The following ZBTB7C variants were observed in gnomAD, a reference collection of about 807,000 sequenced individuals.
The protein encoded by ZBTB7C is zinc finger and BTB domain containing 7C.
ZBTB7C carries 8 observed loss-of-function variants against 25.7 expected under a neutral mutation model. The ratio of observed to expected loss-of-function variants is 0.31; its 90% CI spans 0.18 to 0.56. The LOEUF (loss-of-function observed/expected upper bound fraction) is 0.56, where lower values mean the gene tolerates loss of function less well. ZBTB7C is among the 20% of genes least tolerant of loss of function. ZBTB7C has a pLI of 0.91. For missense variants in ZBTB7C, 824 were observed against 855.2 expected (o/e 0.96, Z 0.46); for synonymous variants, 394 against 369.0 (o/e 1.07, Z -0.78).
chr18:48,373,108 G>A (rs1283533319), intron 1 of ZBTB7C, among the ~76,000 whole-genome samples: 1 of 152,184 alleles, frequency 6.6e-6, no homozygotes, highest in Non-Finnish European at 1.5e-5. Context: ...CAGATCCCAT[G>A]ATATAGTTTG....
chr18:48,300,001 C>G (rs9946507), intron 2 of ZBTB7C, among the ~76,000 whole-genome samples: 3,005 of 152,286 alleles, frequency 0.02, 98 homozygotes, highest in African/African-American at 0.067. Context: ...CCCCTGGGGC[C>G]TTGTTAGTAT....
At chr18:48,189,034 A>AGGGGGG in intron 2 of ZBTB7C, among the ~76,000 whole-genome samples, 1 of 152,302 alleles carries the variant, frequency 6.6e-6, no homozygotes, top group Non-Finnish European at 1.5e-5. Flanking sequence ...CTGAGCAATG[A>AGGGGGG]TTATTGCTAA....
rs759606431 is a variant in ZBTB7C, at chr18:48,040,808, G to A, written c.300C>T (p.Thr100=). The part of the protein sequence containing the change: ...EFAYTSTLTI[T]AGNVKHILNA... Reference sequence around the variant, plus strand: ...TGAGGATGTGCTTGACATTGCCAGCGGTGATGGTGAGCGTGGAGGTGTAGG... The same window carrying A: ...TGAGGATGTGCTTGACATTGCCAGCAGTGATGGTGAGCGTGGAGGTGTAGG... Residue 100 remains threonine (T), a synonymous_variant, in exon 4 of 5, where the codon ACC becomes ACT. Transcript: ENST00000590800. 39 of 1,614,014 alleles carry A rather than the reference G, an allele frequency of 2.4e-5. No individual in the cohort carries two copies. The highest frequency in any genetic ancestry group is 1.8e-4 in the Admixed American group (11 of 60,010).
rs191176986 is a variant in ZBTB7C, at chr18:48,386,213, C to G, written c.-304+23013G>C. Among the ~76,000 whole-genome samples, 478 of 152,328 alleles carry G rather than the reference C, an allele frequency of 3.1e-3. 2 individuals carry two copies. Among genetic ancestry groups the G allele is most frequent in the African/African-American group, 0.011 (457 of 41,578 alleles). On this transcript the variant is annotated intron_variant, in intron 1 of 4. Coordinates refer to ENST00000590800, the MANE Select transcript of ZBTB7C (RefSeq NM_001318841.2). The stretch of plus-strand genomic sequence containing the variant: ...ACAGTTGTGCTTGACTCAGGACAAT[C>G]TGCCCTCTTCCCTGGCCCCCACAGC...
chr18:48,355,116 C>T (rs9953229), intron 1 of ZBTB7C, among the ~76,000 whole-genome samples: 81,501 of 152,038 alleles, frequency 0.54, 22,255 homozygotes, highest in East Asian at 0.77. Flanking sequence ...TGAGCTAGCA[C>T]AGTGCATTCA....
At chr18:48,393,185 G>A (rs758411892) in intron 1 of ZBTB7C, among the ~76,000 whole-genome samples, 7 of 151,964 alleles carry the variant, frequency 4.6e-5, no homozygotes, top group African/African-American at 4.8e-5. Flanking sequence ...GGTGGGACTC[G>A]AGTGGAATCA....
intron 3 of ZBTB7C, chr18:48,137,058 G>T: frequency 1.0e-6 from 1 of 985,362 alleles, no homozygotes; most frequent in Non-Finnish European, 1.2e-6. Flanking sequence ...CCTGAGCGCC[G>T]CCAGGGTCCC....
intron 4 of ZBTB7C, among the ~76,000 whole-genome samples, chr18:48,031,817 A>T (rs562050369): frequency 2.6e-4 from 40 of 152,370 alleles, no homozygotes; most frequent in Admixed American, 7.2e-4. Context: ...AAACTCACCC[A>T]GAGGGTCATG....
Position 48,237,250 on chromosome 18 carries a change from G to A in ZBTB7C, c.-78-51255C>T, listed in dbSNP as rs1445132334. 3.1e-4 allele frequency among the ~76,000 whole-genome samples: 47 copies of A among 152,146 alleles called. 2 individuals are homozygous for A. Among genetic ancestry groups the A allele is most frequent in the Admixed American group, 3.1e-3 (47 of 15,278 alleles). On this transcript the variant is annotated intron_variant, in intron 2 of 4. Transcript: ENST00000590800. ...TTCCTCTACAATACAGCACAGAGCA[G>A]AGATCACAGGAAATGATGCAAAGAG...
chr18:48,227,294 G>T (rs1113628), intron 2 of ZBTB7C, among the ~76,000 whole-genome samples: 97,098 of 152,128 alleles, frequency 0.64, 31,159 homozygotes, highest in East Asian at 0.79. Flanking sequence ...TGATTCACAT[G>T]TGTACGGCCT....
At chr18:48,237,787 G>A (rs954071195) in intron 2 of ZBTB7C, among the ~76,000 whole-genome samples, 2 of 151,994 alleles carry the variant, frequency 1.3e-5, no homozygotes, top group African/African-American at 4.8e-5. Context: ...TATACCAAGA[G>A]GATTTACAGC....
chr18:48,081,543 C>T (rs899639670), intron 3 of ZBTB7C, among the ~76,000 whole-genome samples: 1 of 151,734 alleles, frequency 6.6e-6, no homozygotes, highest in African/African-American at 2.4e-5. Flanking sequence ...ACTGCAAGCT[C>T]CGCCTCCCAG....
At chr18:48,410,187 G>A (rs927293072), upstream of ZBTB7C, among the ~76,000 whole-genome samples, 11 of 152,188 alleles carry the variant, frequency 7.2e-5, no homozygotes, top group Non-Finnish European at 2.9e-5. Flanking sequence ...TCCAGCGAGC[G>A]CACCAAGACG....
intron 3 of ZBTB7C, among the ~76,000 whole-genome samples, chr18:48,101,013 C>T (rs992212292): frequency 2.0e-5 from 3 of 152,218 alleles, no homozygotes; most frequent in South Asian, 2.1e-4. Flanking sequence ...TCTGATCTGT[C>T]GCCACACTAC....
At chr18:48,089,878 A>G (rs1322943756) in intron 3 of ZBTB7C, among the ~76,000 whole-genome samples, 4 of 152,214 alleles carry the variant, frequency 2.6e-5, no homozygotes, top group African/African-American at 9.6e-5. Context: ...TATGGTTTAA[A>G]AGCCCGCTGG....
At chr18:48,223,321 A>G (rs567313087) in intron 2 of ZBTB7C, among the ~76,000 whole-genome samples, 2 of 151,798 alleles carry the variant, frequency 1.3e-5, no homozygotes, top group East Asian at 1.9e-4. Context: ...TTCCCCCCAT[A>G]CCCCTTATTC....
intron 3 of ZBTB7C, among the ~76,000 whole-genome samples, chr18:48,114,308 A>AAG (rs2039348196): frequency 6.6e-6 from 1 of 152,136 alleles, no homozygotes; most frequent in Admixed American, 6.5e-5. Flanking sequence ...AGACACGTAA[A>AAG]AGAATGTTCT....
At chr18:48,156,729 C>T (rs1335200981) in intron 3 of ZBTB7C, among the ~76,000 whole-genome samples, 2 of 152,170 alleles carry the variant, frequency 1.3e-5, no homozygotes, top group African/African-American at 4.8e-5. Context: ...ACCTTTTTCT[C>T]TTTCCTTGCT....
At chr18:48,067,145 C>G (rs1427331972) in intron 3 of ZBTB7C, among the ~76,000 whole-genome samples, 2 of 152,118 alleles carry the variant, frequency 1.3e-5, no homozygotes, top group Non-Finnish European at 2.9e-5. Context: ...CTCTATAGCT[C>G]TATAGCTCTA....
Sources: allele counts gnomAD v4.1 joint callset (sites outside exome capture counted in the v4.1 genomes callset), GRCh38; gene constraint gnomAD v4.1.1; transcripts MANE v1.5; gene names NCBI Gene and HGNC (gene_info 2026-07-23, HGNC 2026-07-21).